The following ANK2 variants were observed in gnomAD, a reference collection of about 807,000 sequenced individuals.
The protein encoded by ANK2 is ankyrin-2.
Under a neutral mutation model 360.5 loss-of-function variants are expected in ANK2, and 83 were observed. The ratio of observed to expected loss-of-function variants is 0.23; its 90% CI spans 0.19 to 0.28. The LOEUF (loss-of-function observed/expected upper bound fraction) is 0.28. Ranked by LOEUF, ANK2 falls within the 10% of genes least tolerant of loss-of-function variation. The pLI, the probability that ANK2 is intolerant of heterozygous loss-of-function variation, is 1.00. For missense variants in ANK2, 4,201 were observed against 4,795.7 expected (o/e 0.88, Z 3.66); for synonymous variants, 1,740 against 1,759.5 (o/e 0.99, Z 0.28).
chr4:112,812,851 G>A, the ANK2 span, among the ~76,000 whole-genome samples: 1 of 152,088 alleles, frequency 6.6e-6, no homozygotes, highest in Non-Finnish European at 1.5e-5. Flanking sequence ...AATGTGCTAA[G>A]CTCATCTTAT....
intron 9 of ANK2, among the ~76,000 whole-genome samples, chr4:113,245,787 T>C (rs1489740737): frequency 3.3e-5 from 5 of 152,076 alleles, no homozygotes; most frequent in Non-Finnish European, 5.9e-5. Context: ...GAGAATATAA[T>C]AAAGCTTCTA....
rs766057242 is a variant in ANK2, at chr4:113,237,612, G to T, written c.683G>T (p.Arg228Met). 1.2e-6 allele frequency: 2 copies of T among 1,609,374 alleles called. No homozygotes were observed. The highest frequency in any genetic ancestry group is 1.7e-6 in the Non-Finnish European group (2 of 1,175,774). Residue 228 changes from arginine (R) to methionine (M), a missense_variant, in exon 7 of 46, where the codon AGG becomes ATG. Physicochemically the swap from Arg to Met is moderately conservative, Grantham distance 91 (BLOSUM62 -1). This residue lies in a region of ANK2 where 122 missense variants were observed against 239.3 expected (regional missense o/e 0.51). Coordinates refer to ENST00000357077, the MANE Select transcript of ANK2 (RefSeq NM_001148.6). ...ADVQSKMMVN[R>M]TTESGFTPLH... ...ACACTGCTTCAGATGATGGTGAATA[G>T]GACAACTGAGGTACAGTATTGTGGT...
At chr4:113,320,017 CTG>C (rs1458809634) in intron 26 of ANK2, among the ~76,000 whole-genome samples, 2 of 152,154 alleles carry the variant, frequency 1.3e-5, no homozygotes, top group African/African-American at 4.8e-5. Flanking sequence ...ACACAAGAAT[CTG>C]TGCATGCCAA....
chr4:113,270,270 T>C (rs529034280), intron 14 of ANK2, among the ~76,000 whole-genome samples: 4 of 152,334 alleles, frequency 2.6e-5, no homozygotes, highest in African/African-American at 9.6e-5. Flanking sequence ...AAATTTCTAC[T>C]TTTAATGGAA....
chr4:113,126,691 G>T (rs1048345574), intron 1 of ANK2, among the ~76,000 whole-genome samples: 3 of 152,046 alleles, frequency 2.0e-5, no homozygotes, highest in African/African-American at 7.2e-5. Flanking sequence ...GACAACAAAG[G>T]ACCCAGTAGC....
intron 1 of ANK2, among the ~76,000 whole-genome samples, chr4:113,163,900 A>G (rs2097656448): frequency 6.6e-6 from 1 of 151,978 alleles, no homozygotes; most frequent in African/African-American, 2.4e-5. Flanking sequence ...GACCAACACC[A>G]CAATAAATTT....
intron 2 of ANK2, among the ~76,000 whole-genome samples, chr4:113,024,296 C>G (rs189684900): frequency 1.2e-4 from 19 of 152,174 alleles, no homozygotes; most frequent in African/African-American, 4.6e-4. Context: ...TACTAGTATA[C>G]TAGACACTCT....
At chr4:112,818,626 C>T (rs1019841912) in intron 1 of ANK2, among the ~76,000 whole-genome samples, 3 of 152,148 alleles carry the variant, frequency 2.0e-5, no homozygotes, top group African/African-American at 7.2e-5. Flanking sequence ...AGGGTGGTGG[C>T]TCTTTTGGTC....
At chr4:112,825,165 A>G (rs1319482317) in intron 1 of ANK2, among the ~76,000 whole-genome samples, 1 of 152,114 alleles carries the variant, frequency 6.6e-6, no homozygotes, top group Non-Finnish European at 1.5e-5. Context: ...CAGGGTGGGG[A>G]ACATCACATA....
At chr4:113,167,713 T>G (rs895404687) in intron 1 of ANK2, among the ~76,000 whole-genome samples, 23 of 152,216 alleles carry the variant, frequency 1.5e-4, no homozygotes, top group Non-Finnish European at 3.2e-4. Flanking sequence ...CCTGTTAAAC[T>G]GCACCCAGAA....
At chr4:113,369,405 T>C in intron 42 of ANK2, 109 bp from the exon 43 acceptor site, 1 of 1,125,958 alleles carries the variant, frequency 8.9e-7, no homozygotes, top group South Asian at 1.3e-5. Context: ...CTATTTTGAC[T>C]GTCATAGACT....
At chr4:112,987,601 T>C (rs2045368842) in intron 2 of ANK2, among the ~76,000 whole-genome samples, 3 of 152,030 alleles carry the variant, frequency 2.0e-5, no homozygotes, top group Non-Finnish European at 1.5e-5. Flanking sequence ...CCCATGAAGG[T>C]CATACCCACC....
At chr4:112,835,795 T>C (rs2060870003) in intron 1 of ANK2, among the ~76,000 whole-genome samples, 1 of 152,242 alleles carries the variant, frequency 6.6e-6, no homozygotes, top group Admixed American at 6.5e-5. Flanking sequence ...GAGGAATAGA[T>C]GGAATAGCAC....
rs546432222 is a variant in ANK2, at chr4:113,193,243, A to G, written c.187-3125A>G. On this transcript the variant is annotated intron_variant, in intron 2 of 45. Transcript: ENST00000357077. Reference sequence around the variant, plus strand: ...ACCCTTGAAGATCTGAGAATAACTAATAAAACAGATATACTCTTGGATCAC... The same window carrying G: ...ACCCTTGAAGATCTGAGAATAACTAGTAAAACAGATATACTCTTGGATCAC... Among the ~76,000 whole-genome samples the G allele has an allele frequency of 6.6e-5, 10 of 152,330 alleles. No homozygotes were observed. The South Asian group carries it at 1.7e-3, about 25-fold the overall frequency.
intron 2 of ANK2, among the ~76,000 whole-genome samples, chr4:112,914,677 T>C (rs1288228812): frequency 1.3e-5 from 2 of 152,156 alleles, no homozygotes; most frequent in African/African-American, 4.8e-5. Flanking sequence ...TACTTTTCTT[T>C]CTGTGATCTG....
the ANK2 span, among the ~76,000 whole-genome samples, chr4:112,744,641 C>T: frequency 2.2e-3 from 340 of 152,230 alleles, 1 homozygote; most frequent in Non-Finnish European, 3.6e-3. Flanking sequence ...TGAGCCACCA[C>T]GCCTGGCCAG....
At chr4:113,170,103 T>G (rs916642723) in intron 1 of ANK2, among the ~76,000 whole-genome samples, 11 of 152,224 alleles carry the variant, frequency 7.2e-5, no homozygotes, top group African/African-American at 2.7e-4. Context: ...TATCAGAGAA[T>G]AGCTTTAAGA....
chr4:113,106,111 G>A (rs2093599125), intron 1 of ANK2, among the ~76,000 whole-genome samples: 1 of 152,166 alleles, frequency 6.6e-6, no homozygotes, highest in South Asian at 2.1e-4. Flanking sequence ...TTGACGGAAA[G>A]GACATTGTCT....
At chr4:112,962,243 T>C (rs2035218559) in intron 2 of ANK2, among the ~76,000 whole-genome samples, 1 of 152,150 alleles carries the variant, frequency 6.6e-6, no homozygotes, top group Non-Finnish European at 1.5e-5. Context: ...CCCGTGTCTA[T>C]GTCCATGAGT....
Sources: allele counts gnomAD v4.1 joint callset (sites outside exome capture counted in the v4.1 genomes callset), GRCh38; gene constraint gnomAD v4.1.1; regional missense constraint gnomAD v4.1.1; transcripts MANE v1.5; gene names NCBI Gene and HGNC (gene_info 2026-07-23, HGNC 2026-07-21).